The following MSRA variants were observed in gnomAD, a reference collection of about 807,000 sequenced individuals.
MSRA encodes the protein mitochondrial peptide methionine sulfoxide reductase.
MSRA carries 54 observed loss-of-function variants against 31.3 expected under a neutral mutation model. The observed-to-expected ratio is 1.73, with a 90% confidence interval of 1.39 to 2.17. The LOEUF is 2.17. MSRA is among the 30% of genes most tolerant of loss of function. The probability of loss-of-function intolerance (pLI) is 0.00; values close to 1 mark genes in which losing one functional copy is unlikely to be tolerated. For missense variants in MSRA, 507 were observed against 300.9 expected, an observed-to-expected ratio of 1.69 and a Z score of -5.07; for synonymous variants, 169 against 116.5, an observed-to-expected ratio of 1.45 and a Z score of -2.90.
intron 2 of MSRA, among the ~76,000 whole-genome samples, chr8:10,211,054 G>A (rs1199690120): frequency 6.6e-6 from 1 of 152,016 alleles, no homozygotes; most frequent in African/African-American, 2.4e-5. Flanking sequence ...GTTATCTGTT[G>A]GTTAATCATT....
intron 5 of MSRA, among the ~76,000 whole-genome samples, chr8:10,378,379 C>G (rs923448194): frequency 5.3e-5 from 8 of 152,198 alleles, no homozygotes; most frequent in Non-Finnish European, 8.8e-5. Flanking sequence ...GCCCTGCAGT[C>G]TGGCCCCATG....
chr8:10,379,905 A>C (rs1192044775), intron 5 of MSRA, among the ~76,000 whole-genome samples: 2 of 152,212 alleles, frequency 1.3e-5, no homozygotes, highest in Non-Finnish European at 2.9e-5. Context: ...TGGACCACAA[A>C]CTCAGGCCAG....
chr8:10,240,372 T>C (rs973790671), intron 2 of MSRA, among the ~76,000 whole-genome samples: 6 of 152,290 alleles, frequency 3.9e-5, no homozygotes, highest in Non-Finnish European at 7.4e-5. Flanking sequence ...TCTCTGCCAT[T>C]GTGGCCAGTT....
chr8:10,333,808 C>A (rs143043306), intron 5 of MSRA, among the ~76,000 whole-genome samples: 2 of 151,852 alleles, frequency 1.3e-5, no homozygotes, highest in Non-Finnish European at 2.9e-5. Flanking sequence ...TTCTCCACCC[C>A]ACCCCCCCCA....
chr8:10,399,428 T>G (rs1423470631), intron 5 of MSRA, among the ~76,000 whole-genome samples: 1 of 152,182 alleles, frequency 6.6e-6, no homozygotes, highest in Non-Finnish European at 1.5e-5. Context: ...GCCATCTCCT[T>G]GGTGATGAGT....
chr8:10,082,499 G>A (rs1188128586), intron 1 of MSRA, among the ~76,000 whole-genome samples: 36 of 152,182 alleles, frequency 2.4e-4, no homozygotes, highest in Non-Finnish European at 1.5e-5. Context: ...CCACAAAACA[G>A]ATGGAGCACT....
At chr8:10,165,696 A>G (rs1404652093) in intron 1 of MSRA, among the ~76,000 whole-genome samples, 3 of 152,198 alleles carry the variant, frequency 2.0e-5, no homozygotes, top group Non-Finnish European at 2.9e-5. Flanking sequence ...TGTAAGTGGG[A>G]GAGTATACAC....
chr8:10,228,049 C>T (rs1246338687), intron 2 of MSRA, among the ~76,000 whole-genome samples: 2 of 152,164 alleles, frequency 1.3e-5, no homozygotes, highest in African/African-American at 4.8e-5. Flanking sequence ...GGATAGCTGA[C>T]CAGAAGAGAC....
chr8:10,406,526 G>A (rs1289458924), intron 5 of MSRA, among the ~76,000 whole-genome samples: 1 of 152,154 alleles, frequency 6.6e-6, no homozygotes, highest in East Asian at 1.9e-4. Flanking sequence ...GAATAGGCAG[G>A]CTGGGGGTTA....
At chr8:10,257,687 A>G (rs571160790) in intron 3 of MSRA, among the ~76,000 whole-genome samples, 1 of 152,144 alleles carries the variant, frequency 6.6e-6, no homozygotes, top group Admixed American at 6.6e-5. Context: ...ATGGCCTCCC[A>G]TTTGACTATA....
intron 1 of MSRA, among the ~76,000 whole-genome samples, chr8:10,199,169 G>A (rs1656353062): frequency 6.6e-6 from 1 of 152,148 alleles, no homozygotes. Flanking sequence ...TTTCCATGCT[G>A]TCTTCTAGGG....
In MSRA at chr8:10,428,234, G is replaced by A. The variant is rs151158693; in HGVS notation, c.630G>A (p.Gln210=). The A allele has an allele frequency of 6.2e-6, 10 of 1,614,080 alleles. No individual in the cohort carries two copies. The African/African-American group carries it at 1.2e-4, about 19-fold the overall frequency. Residue 210 remains glutamine, a synonymous_variant, in exon 6 of 6, where the codon CAG becomes CAA. Transcript: ENST00000317173. ...TFYYAEDYHQ[Q]YLSKNPNGYC... ...ACTATGCGGAAGACTACCACCAGCA[G>A]TACCTGAGCAAGAACCCCAATGGCT... is the stretch of plus-strand genomic sequence containing the variant.
intron 5 of MSRA, among the ~76,000 whole-genome samples, chr8:10,402,691 G>A (rs1383409249): frequency 1.3e-5 from 2 of 152,180 alleles, no homozygotes; most frequent in Admixed American, 6.5e-5. Flanking sequence ...AGTAGCATTG[G>A]GAAATGCCCT....
chr8:10,299,679 C>T (rs1310551264), intron 3 of MSRA, among the ~76,000 whole-genome samples: 3 of 152,062 alleles, frequency 2.0e-5, no homozygotes, highest in African/African-American at 7.2e-5. Flanking sequence ...ATAAATTCAT[C>T]CTAAATAAAA....
intron 1 of MSRA, among the ~76,000 whole-genome samples, chr8:10,178,509 A>G (rs544580579): frequency 6.6e-6 from 1 of 152,356 alleles, no homozygotes; most frequent in South Asian, 2.1e-4. Context: ...TATCATCCAT[A>G]TTGCTAATTT....
At chr8:10,337,949 G>A (rs1413181163) in intron 5 of MSRA, 14 of 627,064 alleles carry the variant, frequency 2.2e-5, no homozygotes, top group Admixed American at 9.6e-5. Context: ...TGGAAGTAGG[G>A]AGGTAAACTG....
At chr8:10,132,851 T>C (rs750579419) in intron 1 of MSRA, among the ~76,000 whole-genome samples, 6 of 152,228 alleles carry the variant, frequency 3.9e-5, no homozygotes, top group Non-Finnish European at 7.3e-5. Flanking sequence ...CACAAAGGTA[T>C]GTCTTTTGAC....
At chr8:10,066,902 G>A (rs906663408) in intron 1 of MSRA, among the ~76,000 whole-genome samples, 1 of 150,112 alleles carries the variant, frequency 6.7e-6, no homozygotes, top group African/African-American at 2.5e-5. Flanking sequence ...AGCAGTTTTA[G>A]GTTTACAGAA....
rs1585126925 is a variant in MSRA, at chr8:10,091,696, T to A, written c.142+37038T>A. ...ATCTTGGCTCATTGCAACCTCTGCC[T>A]CCCGGGTTCAAGTGATTCTCGTGCC... On this transcript the variant is annotated intron_variant, in intron 1 of 5. Transcript: ENST00000317173. 2.7e-5 allele frequency among the ~76,000 whole-genome samples: 4 copies of A among 150,162 alleles called. No individual in the cohort carries two copies. In the East Asian group the frequency reaches 8.2e-4, roughly 31 times the overall value.
Sources: gnomAD v4.1 joint callset for allele counts (sites outside exome capture counted in the v4.1 genomes callset) on GRCh38, gnomAD v4.1.1 for gene constraint, MANE v1.5 for transcripts, NCBI Gene and HGNC (gene_info 2026-07-23, HGNC 2026-07-21) for gene names.